GRID1: variants seen among roughly 807,000 people sequenced by gnomAD.
GRID1 encodes the protein glutamate ionotropic receptor delta type subunit 1.
GRID1 carries 28 observed loss-of-function variants against 98.0 expected under a neutral mutation model. The ratio of observed to expected loss-of-function variants is 0.29; its 90% CI spans 0.21 to 0.39. The LOEUF is 0.39. Ranked by LOEUF, GRID1 falls within the 10% of genes least tolerant of loss-of-function variation. The pLI is 1.00. For missense variants in GRID1, 1,111 were observed against 1,340.5 expected (o/e 0.83, Z 2.67); for synonymous variants, 553 against 538.5 (o/e 1.03, Z -0.37).
At chr10:85,893,431 T>C (rs1459897257) in intron 5 of GRID1, among the ~76,000 whole-genome samples, 1 of 152,100 alleles carries the variant, frequency 6.6e-6, no homozygotes, top group African/African-American at 2.4e-5. Flanking sequence ...TGGAAAGGAA[T>C]AAGAATAGTT....
chr10:86,101,540 G>T (rs1461235310), intron 4 of GRID1, among the ~76,000 whole-genome samples: 1 of 151,984 alleles, frequency 6.6e-6, no homozygotes, highest in Non-Finnish European at 1.5e-5. Context: ...GGCCTCTTGA[G>T]TGCAGCTTCT....
chr10:85,764,380 G>T (rs188818912), intron 8 of GRID1, among the ~76,000 whole-genome samples: 1 of 152,172 alleles, frequency 6.6e-6, no homozygotes, highest in Non-Finnish European at 1.5e-5. Context: ...AAATGGCCCC[G>T]CATAGCACTT....
At chr10:86,232,095 C>A (rs902190923) in intron 2 of GRID1, among the ~76,000 whole-genome samples, 2 of 152,174 alleles carry the variant, frequency 1.3e-5, no homozygotes, top group African/African-American at 4.8e-5. Context: ...GGCCAGGAAG[C>A]CCTGAATCCC....
chr10:86,170,868 T>C (rs1050981976), intron 3 of GRID1, among the ~76,000 whole-genome samples: 2 of 152,112 alleles, frequency 1.3e-5, no homozygotes, highest in South Asian at 4.1e-4. Flanking sequence ...TGCCAACCCA[T>C]TTAAAATAGC....
chr10:85,720,642 A>AAG (rs1471699596), intron 12 of GRID1, among the ~76,000 whole-genome samples: 2 of 151,624 alleles, frequency 1.3e-5, no homozygotes, highest in Non-Finnish European at 2.9e-5. Context: ...ACAAAAAAAA[A>AAG]AAAGAAAGAA....
intron 13 of GRID1, among the ~76,000 whole-genome samples, chr10:85,621,647 C>G (rs916528663): frequency 6.6e-6 from 1 of 152,110 alleles, no homozygotes; most frequent in East Asian, 1.9e-4. Context: ...TGACTTTCAC[C>G]TCGAGGAGCA....
intron 4 of GRID1, among the ~76,000 whole-genome samples, chr10:85,950,483 T>C (rs1426916139): frequency 2.0e-5 from 3 of 152,184 alleles, no homozygotes; most frequent in African/African-American, 7.2e-5. Flanking sequence ...CCTAAGACTT[T>C]TAAAAATGAT....
chr10:86,202,540 T>C (rs1845969486), intron 3 of GRID1, among the ~76,000 whole-genome samples: 1 of 152,240 alleles, frequency 6.6e-6, no homozygotes. Flanking sequence ...ATGTTGCAAA[T>C]TTTCTCTCTC....
At chr10:86,307,630 AG>A (rs1244652896) in intron 2 of GRID1, among the ~76,000 whole-genome samples, 2 of 152,216 alleles carry the variant, frequency 1.3e-5, no homozygotes, top group Non-Finnish European at 2.9e-5. Context: ...CGAAGATTAT[AG>A]TTAATAATAA....
At chr10:85,974,279 TTTTG>T (rs1353697916) in intron 4 of GRID1, among the ~76,000 whole-genome samples, 4 of 112,034 alleles carry the variant, frequency 3.6e-5, no homozygotes, top group African/African-American at 1.2e-4. Context: ...GCCTCAAGTT[TTTTG>T]TTTGTTTTGT....
At chr10:86,196,362 A>G (rs1845872638) in intron 3 of GRID1, among the ~76,000 whole-genome samples, 1 of 151,956 alleles carries the variant, frequency 6.6e-6, no homozygotes, top group Non-Finnish European at 1.5e-5. Flanking sequence ...AGTAAGAAAA[A>G]CGAGAAATGG....
intron 4 of GRID1, among the ~76,000 whole-genome samples, chr10:85,935,960 T>C (rs778842477): frequency 1.3e-5 from 2 of 152,224 alleles, no homozygotes; most frequent in Admixed American, 6.5e-5. Flanking sequence ...GGACCTACTA[T>C]GTGCCAGAGC....
chr10:86,349,210 G>GT (rs1848430534), intron 2 of GRID1, among the ~76,000 whole-genome samples: 1 of 152,244 alleles, frequency 6.6e-6, no homozygotes, highest in Admixed American at 6.5e-5. Context: ...AAGAGGCAGT[G>GT]GCCAGGACCA....
At chr10:86,088,883 T>C (rs868249177) in intron 4 of GRID1, among the ~76,000 whole-genome samples, 1 of 150,714 alleles carries the variant, frequency 6.6e-6, no homozygotes, top group African/African-American at 2.4e-5. Context: ...CCCAGAAAGA[T>C]CAATAGATGC....
intron 4 of GRID1, among the ~76,000 whole-genome samples, chr10:85,954,380 C>G (rs552689463): frequency 6.6e-6 from 1 of 152,274 alleles, no homozygotes; most frequent in Admixed American, 6.5e-5. Flanking sequence ...TATCCTATGT[C>G]CTAACTATTT....
intron 8 of GRID1, among the ~76,000 whole-genome samples, chr10:85,822,872 G>C (rs971371931): frequency 5.3e-5 from 8 of 152,206 alleles, no homozygotes; most frequent in Admixed American, 3.3e-4. Context: ...AAAATGTTGT[G>C]TTCACATCCT....
chr10:85,993,255 T>C (rs955609301), intron 4 of GRID1, among the ~76,000 whole-genome samples: 1 of 152,078 alleles, frequency 6.6e-6, no homozygotes, highest in Non-Finnish European at 1.5e-5. Flanking sequence ...GCAGAATCTG[T>C]GCAGGTGCAG....
At chr10:86,353,670 G>T (rs924791592) in intron 2 of GRID1, among the ~76,000 whole-genome samples, 1 of 152,350 alleles carries the variant, frequency 6.6e-6, no homozygotes, top group South Asian at 2.1e-4. Flanking sequence ...TCCAGTTGGG[G>T]TTCTGTGATA....
In GRID1 at chr10:86,337,948, T is replaced by C. The variant is rs542182790; in HGVS notation, c.235+25993A>G. Among the ~76,000 whole-genome samples the C allele has an allele frequency of 2.5e-3, 384 of 152,304 alleles. 6 individuals carry two copies. Among genetic ancestry groups the C allele is most frequent in the African/African-American group, 9.0e-3 (375 of 41,572 alleles). ...GTCTCAAACCCCTGACCTCAGGTGA[T>C]CCATCTGCCTCGGCCTCCCGAAGTG... On this transcript the variant is annotated intron_variant, in intron 2 of 15. Transcript: ENST00000327946.
Sources: gnomAD v4.1 joint callset for allele counts (sites outside exome capture counted in the v4.1 genomes callset) on GRCh38, gnomAD v4.1.1 for gene constraint, MANE v1.5 for transcripts, NCBI Gene and HGNC (gene_info 2026-07-23, HGNC 2026-07-21) for gene names.